Variants in ZNF536 observed in about 807,000 individuals in gnomAD.
The protein encoded by ZNF536 is zinc finger protein 536.
A neutral mutation model predicts 84.5 loss-of-function variants in ZNF536; 13 were observed. That is an observed-to-expected ratio of 0.15 (90% confidence interval 0.10 to 0.24). The LOEUF is 0.24. ZNF536 is among the 10% of genes least tolerant of loss of function. The pLI is 1.00. For synonymous variants in ZNF536, 811 were observed against 742.5 expected (o/e 1.09, Z -1.50); for missense variants, 1,536 against 1,747.5 (o/e 0.88, Z 2.16).
chr19:30,301,947 G>A (rs1165168478), intron 2 of ZNF536, among the ~76,000 whole-genome samples: 2 of 152,066 alleles, frequency 1.3e-5, no homozygotes, highest in East Asian at 3.9e-4. Context: ...CACTGAGGAG[G>A]GAGGTGTGTA....
chr19:30,685,488 C>G (rs902762648), intron 1 of ZNF536, among the ~76,000 whole-genome samples: 10 of 152,092 alleles, frequency 6.6e-5, no homozygotes, highest in Admixed American at 5.9e-4. Context: ...AGCTTGGCTC[C>G]TTGCAAACAG....
chr19:30,549,579 A>G (rs1375549296), intron 4 of ZNF536, 65 bp downstream of exon 4: 1 of 1,416,386 alleles, frequency 7.1e-7, no homozygotes, highest in Non-Finnish European at 9.2e-7. Flanking sequence ...TTGTGCATTT[A>G]AAAAAATGAG....
intron 1 of ZNF536, among the ~76,000 whole-genome samples, chr19:30,600,986 G>T (rs1339997895): frequency 1.3e-5 from 2 of 152,180 alleles, no homozygotes; most frequent in Admixed American, 1.3e-4. Context: ...TGATGGAGTT[G>T]GTTAGAGAAA....
chr19:30,661,053 C>T (rs2050104897), intron 1 of ZNF536, among the ~76,000 whole-genome samples: 3 of 152,266 alleles, frequency 2.0e-5, no homozygotes, highest in South Asian at 2.1e-4. Context: ...CCGATGATTC[C>T]GTGATCGGAA....
chr19:30,568,485 G>A (rs1316303083), intron 1 of ZNF536, among the ~76,000 whole-genome samples: 3 of 152,252 alleles, frequency 2.0e-5, no homozygotes, highest in East Asian at 3.9e-4. Flanking sequence ...CTTTTTAAAA[G>A]GCAAAGGTGC....
intron 2 of ZNF536, among the ~76,000 whole-genome samples, chr19:30,301,895 A>G (rs1056729284): frequency 1.3e-5 from 2 of 151,082 alleles, no homozygotes; most frequent in African/African-American, 4.9e-5. Flanking sequence ...GGTCCCTGCC[A>G]GGTGCCGATG....
At chr19:30,620,294 G>A (rs1294038525) in intron 1 of ZNF536, among the ~76,000 whole-genome samples, 2 of 152,012 alleles carry the variant, frequency 1.3e-5, no homozygotes, top group Non-Finnish European at 2.9e-5. Flanking sequence ...TAAAGGTTCT[G>A]GGTCTTCATG....
intron 1 of ZNF536, among the ~76,000 whole-genome samples, chr19:30,435,913 C>G (rs2051725563): frequency 1.3e-5 from 2 of 152,154 alleles, no homozygotes; most frequent in Non-Finnish European, 2.9e-5. Flanking sequence ...GATGGAAGCT[C>G]TTTGCCTTTG....
At chr19:30,499,829 G>A (rs960043678) in intron 2 of ZNF536, among the ~76,000 whole-genome samples, 1 of 152,174 alleles carries the variant, frequency 6.6e-6, no homozygotes, top group African/African-American at 2.4e-5. Flanking sequence ...TATCCAGCAA[G>A]GGCTTGGTGG....
intron 1 of ZNF536, among the ~76,000 whole-genome samples, chr19:30,248,224 C>CTTTTTTTTTTTTTTTTTTTTTTTTTCTTT (rs58799737): frequency 7.6e-6 from 1 of 131,004 alleles, no homozygotes; most frequent in Admixed American, 8.1e-5. Context: ...TCTTTTCTTT[C>CTTTTTTTTTTTTTTTTTTTTTTTTTCTTT]TTTTTTTTTT....
chr19:30,265,630 T>C (rs1039717263), intron 1 of ZNF536, among the ~76,000 whole-genome samples: 2 of 152,164 alleles, frequency 1.3e-5, no homozygotes, highest in African/African-American at 4.8e-5. Flanking sequence ...GGGCTCGCCA[T>C]ATTCAGAGGA....
At chr19:30,373,099 G>A (rs567448613) in intron 1 of ZNF536, among the ~76,000 whole-genome samples, 1 of 152,322 alleles carries the variant, frequency 6.6e-6, no homozygotes, top group East Asian at 1.9e-4. Context: ...GCTTTTTGAC[G>A]TTAGAGAAAT....
upstream of ZNF536, among the ~76,000 whole-genome samples, chr19:30,368,385 C>T (rs1336070799): frequency 6.6e-6 from 1 of 152,172 alleles, no homozygotes; most frequent in African/African-American, 2.4e-5. Flanking sequence ...TCACCAAATC[C>T]TCTCCCTCCA....
rs925189920 is a variant in ZNF536, at chr19:30,445,476, G to C, written c.1914G>C (p.Arg638=). 1 of 1,614,158 alleles carries C rather than the reference G, an allele frequency of 6.2e-7. No homozygotes were observed. Among genetic ancestry groups the C allele is most frequent in the East Asian group, 2.2e-5 (1 of 44,854 alleles). Residue 638 remains arginine, a synonymous_variant, in exon 2 of 5, where the codon CGG becomes CGC. Coordinates refer to ENST00000355537, the MANE Select transcript of ZNF536 (RefSeq NM_014717.3). This position sits in a 1 kb window ranked among gnomAD's most constrained non-coding sequence, Gnocchi z 4.5. The part of the protein sequence containing the change: ...EKPTECPDCG[R]VFRTYHQVVV... Reference sequence around the variant, plus strand: ...CCACCGAGTGCCCCGACTGCGGCCGGGTGTTCCGCACTTACCACCAGGTGG... The same window carrying C: ...CCACCGAGTGCCCCGACTGCGGCCGCGTGTTCCGCACTTACCACCAGGTGG...
chr19:30,322,836 C>T (rs891730820), intron 2 of ZNF536, among the ~76,000 whole-genome samples: 1 of 152,038 alleles, frequency 6.6e-6, no homozygotes, highest in Admixed American at 6.5e-5. Flanking sequence ...CTCATGGAGA[C>T]CACTCTGGCC....
chr19:30,523,526 G>C (rs2145759284), intron 2 of ZNF536, among the ~76,000 whole-genome samples: 1 of 152,280 alleles, frequency 6.6e-6, no homozygotes, highest in East Asian at 1.9e-4. Flanking sequence ...TTCTGAACCT[G>C]TCTGTCAGAT....
intron 1 of ZNF536, among the ~76,000 whole-genome samples, chr19:30,385,214 G>T (rs1432743762): frequency 6.6e-6 from 1 of 151,768 alleles, no homozygotes; most frequent in Admixed American, 6.6e-5. Context: ...CCCTGAAATC[G>T]GGTGGAAATG....
intron 1 of ZNF536, among the ~76,000 whole-genome samples, chr19:30,629,007 A>G (rs2048791399): frequency 6.6e-6 from 1 of 152,026 alleles, no homozygotes; most frequent in Admixed American, 6.6e-5. Flanking sequence ...CTGGCCCAGG[A>G]GTCACTTTTA....
In ZNF536 at chr19:30,365,630, G is replaced by A. The variant is rs560297561; in HGVS notation, c.-3+13146G>A. 1.3e-3 allele frequency among the ~76,000 whole-genome samples: 200 copies of A among 152,298 alleles called. 2 individuals carry two copies. The highest frequency in any genetic ancestry group is 4.5e-3 in the African/African-American group (188 of 41,558). On this transcript the variant is annotated intron_variant, in intron 3 of 5. Transcript: ENST00000585628. ...CAGGTCCCGTGTAGCAAGGACTCCC[G>A]TGGAGGTAACCTTCCCAGGCACTCC...
Sources: gnomAD v4.1 joint callset for allele counts (sites outside exome capture counted in the v4.1 genomes callset) on GRCh38, gnomAD v4.1.1 for gene constraint, Gnocchi (gnomAD v3.1) non-coding constraint, MANE v1.5 for transcripts, NCBI Gene and HGNC (gene_info 2026-07-23, HGNC 2026-07-21) for gene names.